The following FAT3 variants were observed in gnomAD, a reference collection of about 807,000 sequenced individuals.
FAT3 encodes the protein protocadherin Fat 3.
In FAT3, 95 loss-of-function variants were observed where a neutral mutation model predicts 310.2. The ratio of observed to expected loss-of-function variants is 0.31; its 90% CI spans 0.26 to 0.36. The LOEUF is 0.36. Among genes scored for constraint, FAT3 ranks in the 10% least tolerant of loss-of-function variants. The probability of loss-of-function intolerance (pLI) is 1.00; values close to 1 mark genes in which losing one functional copy is unlikely to be tolerated. For missense variants in FAT3, 5,408 were observed against 5,715.6 expected, an observed-to-expected ratio of 0.95 and a Z score of 1.74; for synonymous variants, 2,314 against 2,192.9, an observed-to-expected ratio of 1.06 and a Z score of -1.54.
intron 3 of FAT3, among the ~76,000 whole-genome samples, chr11:92,662,109 T>G (rs1257667798): frequency 6.6e-6 from 1 of 152,180 alleles, no homozygotes; most frequent in Non-Finnish European, 1.5e-5. Flanking sequence ...CAGAAGGAGT[T>G]GTGTTTTATT....
chr11:92,634,347 T>C (rs1468031030), intron 3 of FAT3, among the ~76,000 whole-genome samples: 1 of 152,174 alleles, frequency 6.6e-6, no homozygotes, highest in Non-Finnish European at 1.5e-5. Context: ...TAGAAAAATT[T>C]GTATTGTCAA....
At chr11:92,655,294 TC>T (rs1332758781) in intron 3 of FAT3, among the ~76,000 whole-genome samples, 11 of 152,152 alleles carry the variant, frequency 7.2e-5, no homozygotes, top group African/African-American at 2.7e-4. Flanking sequence ...AGCAACAGGG[TC>T]AGTTTTGATA....
intron 1 of FAT3, among the ~76,000 whole-genome samples, chr11:92,348,608 A>G (rs1046841066): frequency 5.3e-5 from 8 of 152,188 alleles, no homozygotes; most frequent in African/African-American, 1.9e-4. Context: ...ATGATAAACC[A>G]CAGCTCTAAA....
intron 13 of FAT3, among the ~76,000 whole-genome samples, chr11:92,818,016 G>C (rs60255343): frequency 0.015 from 2,213 of 152,242 alleles, 68 homozygotes; most frequent in African/African-American, 0.051. Flanking sequence ...GTATCTTCTT[G>C]GGACAGAGTC....
chr11:92,320,842 C>A (rs1298008652), intron 1 of FAT3, among the ~76,000 whole-genome samples: 1 of 149,696 alleles, frequency 6.7e-6, no homozygotes, highest in African/African-American at 2.5e-5. Context: ...TGCACTCCAG[C>A]CTGGGCAATG....
At chr11:92,563,160 A>G (rs1484170120) in intron 3 of FAT3, among the ~76,000 whole-genome samples, 3 of 152,202 alleles carry the variant, frequency 2.0e-5, no homozygotes, top group Non-Finnish European at 4.4e-5. Context: ...CAAGTCCAGT[A>G]TCATCTTTTG....
chr11:92,470,977 G>A (rs1434159054), intron 2 of FAT3, among the ~76,000 whole-genome samples: 1 of 152,092 alleles, frequency 6.6e-6, no homozygotes, highest in Non-Finnish European at 1.5e-5. Context: ...ATTTTTCCTT[G>A]AGAATTTTTT....
chr11:92,826,376 T>C (rs965259861), intron 13 of FAT3, among the ~76,000 whole-genome samples: 7 of 152,206 alleles, frequency 4.6e-5, no homozygotes, highest in African/African-American at 1.4e-4. Flanking sequence ...CAAGCACTGA[T>C]GAATACGTAT....
intron 2 of FAT3, among the ~76,000 whole-genome samples, chr11:92,510,417 G>A (rs1565372229): frequency 6.6e-6 from 1 of 152,136 alleles, no homozygotes; most frequent in East Asian, 1.9e-4. Context: ...CTAAGTTATA[G>A]GAGAGAAAAA....
chr11:92,731,875 T>C (rs1769054735), intron 4 of FAT3, among the ~76,000 whole-genome samples: 1 of 152,204 alleles, frequency 6.6e-6, no homozygotes, highest in Admixed American at 6.5e-5. Context: ...TTATATTGTG[T>C]CATAATGCTA....
At chr11:92,823,251 G>A (rs1376579082) in intron 13 of FAT3, among the ~76,000 whole-genome samples, 1 of 152,192 alleles carries the variant, frequency 6.6e-6, no homozygotes, top group Non-Finnish European at 1.5e-5. Flanking sequence ...ATCCAGCACA[G>A]ACATTCCATG....
intron 4 of FAT3, among the ~76,000 whole-genome samples, chr11:92,728,698 G>A (rs1487949978): frequency 6.6e-6 from 1 of 152,174 alleles, no homozygotes; most frequent in East Asian, 1.9e-4. Flanking sequence ...GAAGGTGTCA[G>A]CAGGGCCAGG....
chr11:92,821,882 G>C (rs1295899444), intron 13 of FAT3, among the ~76,000 whole-genome samples: 1 of 152,234 alleles, frequency 6.6e-6, no homozygotes, highest in South Asian at 2.1e-4. Context: ...CCAGATGCAG[G>C]GCCATGACAC....
intron 1 of FAT3, among the ~76,000 whole-genome samples, chr11:92,244,175 GTGAGATTT>G (rs1864793837): frequency 6.6e-6 from 1 of 152,008 alleles, no homozygotes; most frequent in Admixed American, 6.6e-5. Flanking sequence ...TTTTTGAAAG[GTGAGATTT>G]TGAGATTATC....
chr11:92,678,469 T>C (rs777201367), intron 3 of FAT3, among the ~76,000 whole-genome samples: 1 of 152,178 alleles, frequency 6.6e-6, no homozygotes, highest in Non-Finnish European at 1.5e-5. Flanking sequence ...AATCCATGCA[T>C]GGAGGTGGAG....
chr11:92,697,009 A>T (rs778746499), intron 3 of FAT3, among the ~76,000 whole-genome samples: 1 of 152,240 alleles, frequency 6.6e-6, no homozygotes, highest in Admixed American at 6.5e-5. Flanking sequence ...TAATCAGCAT[A>T]AACAACCTAT....
In FAT3 at chr11:92,761,975, G is replaced by T. The variant is rs1946161800; in HGVS notation, c.3789G>T (p.Leu1263=). The T allele has an allele frequency of 6.2e-7, 1 of 1,613,866 alleles. No individual in the cohort carries two copies. Among genetic ancestry groups the T allele is most frequent in the African/African-American group, 1.3e-5 (1 of 74,908 alleles). The change falls in exon 5 of 28, where the codon CTG becomes CTT. Residue 1263 remains leucine, a synonymous_variant. Coordinates refer to ENST00000525166, the MANE Select transcript of FAT3 (RefSeq NM_001367949.2). ...CAGAGAAGGTCTACCAGATCAAGCT[G>T]CCAGAACGTGACCGAAAGAAGAGAG... ...QFPEKVYQIK[L]PERDRKKRGE...
intron 19 of FAT3, among the ~76,000 whole-genome samples, chr11:92,847,897 C>A (rs1454554838): frequency 6.6e-6 from 1 of 150,984 alleles, no homozygotes; most frequent in African/African-American, 2.5e-5. Flanking sequence ...TAATTGAATT[C>A]AATAAATGCC....
intron 14 of FAT3, among the ~76,000 whole-genome samples, chr11:92,833,226 C>A (rs1191838930): frequency 6.6e-6 from 1 of 152,036 alleles, no homozygotes. Flanking sequence ...CACTTATTTC[C>A]CAATTCCCCT....
Sources: gnomAD v4.1 joint callset for allele counts (sites outside exome capture counted in the v4.1 genomes callset) on GRCh38, gnomAD v4.1.1 for gene constraint, MANE v1.5 for transcripts, NCBI Gene and HGNC (gene_info 2026-07-23, HGNC 2026-07-21) for gene names.